The following SP100 variants were observed in gnomAD, a reference collection of about 807,000 sequenced individuals.
SP100 encodes the protein nuclear autoantigen Sp-100.
A neutral mutation model predicts 130.0 loss-of-function variants in SP100; 84 were observed. The observed-to-expected ratio is 0.65, with a 90% CI of 0.54 to 0.77. SP100 has a LOEUF of 0.77. Among genes scored for constraint, SP100 ranks in the 30% least tolerant of loss-of-function variants. The pLI, the probability that SP100 is intolerant of heterozygous loss-of-function variation, is 0.00. For synonymous variants in SP100, 331 were observed against 351.7 expected (o/e 0.94, Z 0.66); for missense variants, 978 against 1,052.2 (o/e 0.93, Z 0.97).
intron 15 of SP100, among the ~76,000 whole-genome samples, chr2:230,472,811 C>G (rs901412739): frequency 1.3e-5 from 2 of 152,114 alleles, no homozygotes; most frequent in African/African-American, 4.8e-5. Flanking sequence ...TCCCCTGGCC[C>G]CTCTGACTCA....
intron 8 of SP100, among the ~76,000 whole-genome samples, chr2:230,456,956 T>C (rs918666218): frequency 1.3e-5 from 2 of 152,240 alleles, no homozygotes; most frequent in African/African-American, 4.8e-5. Flanking sequence ...GTTCTTTTGG[T>C]CATGTTGTGT....
chr2:230,428,251 T>C (rs975098487), intron 2 of SP100, among the ~76,000 whole-genome samples: 11 of 152,008 alleles, frequency 7.2e-5, no homozygotes, highest in African/African-American at 2.7e-4. Flanking sequence ...AAATAAAAAA[T>C]AAAATAGAAG....
rs536376736 is a variant in SP100, at chr2:230,503,335, G to A, written c.1765+225G>A. ...GCAGGGTTCCCTGAGCAATGTGCAC[G>A]TTCTTTTTTGTTGATTGATTGATTA... On this transcript the variant is annotated intron_variant, in intron 20 of 28. Transcript: ENST00000340126. Among the ~76,000 whole-genome samples, 124 of 152,210 alleles carry A rather than the reference G, an allele frequency of 8.1e-4. 1 individual carries two copies. In the Middle Eastern group the frequency reaches 0.02, roughly 25 times the overall value.
chr2:230,487,774 G>A (rs1026100300), intron 17 of SP100, among the ~76,000 whole-genome samples: 1 of 152,184 alleles, frequency 6.6e-6, no homozygotes, highest in Non-Finnish European at 1.5e-5. Flanking sequence ...ATTACTTTGG[G>A]CAGTATGGCC....
At chr2:230,467,645 G>T (rs1259002079) in intron 13 of SP100, among the ~76,000 whole-genome samples, 2 of 152,134 alleles carry the variant, frequency 1.3e-5, no homozygotes, top group East Asian at 3.9e-4. Flanking sequence ...GATCTTGTAA[G>T]ACTTATTCAC....
In SP100 at chr2:230,513,805, G is replaced by A. The variant is rs75253493; in HGVS notation, c.2094+2639G>A. Reference sequence around the variant, plus strand: ...AAAGCAAGCACAATGCAAATCATGAGTGACTTAATAGCCAAGAAAATAAAC... The same window carrying A: ...AAAGCAAGCACAATGCAAATCATGAATGACTTAATAGCCAAGAAAATAAAC... On this transcript the variant is annotated intron_variant, in intron 24 of 28. Coordinates refer to ENST00000340126, the MANE Select transcript of SP100 (RefSeq NM_001080391.2). Among the ~76,000 whole-genome samples, 10 of 152,344 alleles carry A rather than the reference G, an allele frequency of 6.6e-5. No individual in the cohort carries two copies. In the East Asian group the frequency reaches 1.5e-3, roughly 23 times the overall value.
At chr2:230,524,196 A>AAAAAAG (rs1559534612) in intron 24 of SP100, among the ~76,000 whole-genome samples, 96 of 110,194 alleles carry the variant, frequency 8.7e-4, no homozygotes, top group African/African-American at 1.3e-3. Context: ...AAAAAAAAAA[A>AAAAAAG]AAAAAGAAAA....
chr2:230,517,912 T>C (rs1357840230), intron 24 of SP100, among the ~76,000 whole-genome samples: 1 of 152,274 alleles, frequency 6.6e-6, no homozygotes, highest in East Asian at 1.9e-4. Flanking sequence ...AGTTTATTTT[T>C]AATATCAAAT....
Position 230,494,456 on chromosome 2 carries a change from A to G in SP100, c.1641A>G (p.Gln547=). 6.2e-7 allele frequency: 1 copy of G among 1,605,888 alleles called. No individual in the cohort carries two copies. Among genetic ancestry groups the G allele is most frequent in the Non-Finnish European group, 8.5e-7 (1 of 1,172,574 alleles). ...ATAGATCTAAAGTAAATGGTCTCCA[A>G]AGAGGTAAGAAGAAATGTGGGGATT... The part of the protein sequence containing the change: ...RRHRSKVNGL[Q]RGRKKDRPRK... Residue 547 remains glutamine, a synonymous_variant, in exon 18 of 29, where the codon CAA becomes CAG. Transcript: ENST00000340126.
chr2:230,428,486 AG>A (rs992102945), intron 2 of SP100, among the ~76,000 whole-genome samples: 5 of 149,670 alleles, frequency 3.3e-5, no homozygotes, highest in African/African-American at 1.2e-4. Context: ...TCTGTCGCCC[AG>A]GCTGGAGTGC....
chr2:230,446,950 C>A, intron 5 of SP100, 48 bp downstream of exon 5: 1 of 1,141,624 alleles, frequency 8.8e-7, no homozygotes, highest in Non-Finnish European at 1.3e-6. Flanking sequence ...GTTAGGGATC[C>A]AAGGTTCTGA....
intron 4 of SP100, among the ~76,000 whole-genome samples, chr2:230,444,564 A>T (rs1444755989): frequency 2.0e-5 from 3 of 152,212 alleles, no homozygotes; most frequent in Non-Finnish European, 2.9e-5. Context: ...GACTCACAGG[A>T]CAACCAGAGC....
rs1455033406 is a variant in SP100 at position 230,545,008 on chromosome 2, G to A, written c.*2062G>A. Among the ~76,000 whole-genome samples the A allele has an allele frequency of 1.3e-5, 2 of 152,190 alleles. No homozygotes were observed. Among genetic ancestry groups the A allele is most frequent in the East Asian group, 1.9e-4 (1 of 5,194 alleles). On this transcript the variant is annotated 3_prime_UTR_variant, in exon 29 of 29. Coordinates refer to ENST00000340126, the MANE Select transcript of SP100 (RefSeq NM_001080391.2). ...GGGAGTGTAAATTAGTTCAACCACT[G>A]TGGAAAGCAGTGTGGCAACTCCTCA...
chr2:230,522,455 G>GTGCTCTT (rs1691215156), intron 24 of SP100, among the ~76,000 whole-genome samples: 1 of 140,490 alleles, frequency 7.1e-6, no homozygotes, highest in South Asian at 2.4e-4. Flanking sequence ...TTCTCCTTTA[G>GTGCTCTT]TGCTCTTTGG....
chr2:230,435,294 CCTGT>C (rs2063221926), intron 2 of SP100, among the ~76,000 whole-genome samples: 1 of 152,062 alleles, frequency 6.6e-6, no homozygotes, highest in Non-Finnish European at 1.5e-5. Context: ...ATTTAAGCTG[CCTGT>C]TCAGGTCCAT....
intron 17 of SP100, among the ~76,000 whole-genome samples, chr2:230,484,920 T>C (rs2065994587): frequency 6.6e-6 from 1 of 151,870 alleles, no homozygotes; most frequent in Non-Finnish European, 1.5e-5. Flanking sequence ...TTTAAGGCTA[T>C]TTATTGGTTT....
At chr2:230,539,531 T>C (rs1692081774) in intron 25 of SP100, 149 bp downstream of exon 25, 7 of 607,118 alleles carry the variant, frequency 1.2e-5, no homozygotes, top group Admixed American at 2.9e-5. Context: ...GATCCACAAG[T>C]ATTATCCAGA....
At chr2:230,508,326 T>TTTC in intron 23 of SP100, 1 of 343,504 alleles carries the variant, frequency 2.9e-6, no homozygotes, top group Non-Finnish European at 5.1e-6. Flanking sequence ...TTTTTTTTTT[T>TTTC]TTTTTAAGAG....
intron 17 of SP100, among the ~76,000 whole-genome samples, chr2:230,485,793 G>A (rs895038041): frequency 2.0e-5 from 3 of 152,072 alleles, no homozygotes; most frequent in African/African-American, 4.8e-5. Flanking sequence ...AGTGAGTTAA[G>A]CCCATTTACT....
Sources: allele counts gnomAD v4.1 joint callset (sites outside exome capture counted in the v4.1 genomes callset), GRCh38; gene constraint gnomAD v4.1.1; transcripts MANE v1.5; gene names NCBI Gene and HGNC (gene_info 2026-07-23, HGNC 2026-07-21).